The following MPPED1 variants were observed in gnomAD, a reference collection of about 807,000 sequenced individuals.
MPPED1 encodes metallophosphoesterase domain containing 1, also known as metallophosphoesterase domain-containing protein 1.
A neutral mutation model predicts 36.2 loss-of-function variants in MPPED1; 16 were observed. The observed-to-expected ratio is 0.44, with a 90% confidence interval of 0.30 to 0.67. The LOEUF (loss-of-function observed/expected upper bound fraction) is 0.67. Among genes scored for constraint, MPPED1 ranks in the 30% least tolerant of loss-of-function variants. The pLI, the probability that MPPED1 is intolerant of heterozygous loss-of-function variation, is 0.10. For synonymous variants in MPPED1, 199 were observed against 191.3 expected (o/e 1.04, Z -0.33); for missense variants, 307 against 453.4 (o/e 0.68, Z 2.93).
chr22:43,467,597 G>A (rs1370288570), intron 3 of MPPED1, among the ~76,000 whole-genome samples: 1 of 152,134 alleles, frequency 6.6e-6, no homozygotes, highest in East Asian at 1.9e-4. Context: ...TAGACCATGC[G>A]CCATACCGAG....
intron 2 of MPPED1, among the ~76,000 whole-genome samples, chr22:43,432,466 A>G (rs1282265864): frequency 9.0e-6 from 1 of 111,576 alleles, no homozygotes; most frequent in African/African-American, 3.4e-5. Flanking sequence ...TAAAGAGAGG[A>G]GAGAGAGAGA....
intron 3 of MPPED1, among the ~76,000 whole-genome samples, chr22:43,437,651 C>T (rs779457012): frequency 4.6e-5 from 7 of 152,214 alleles, no homozygotes; most frequent in Admixed American, 6.5e-5. Flanking sequence ...ACAGCAGCCA[C>T]GTGGCCCCTC....
At chr22:43,487,503 G>A (rs1165199896) in intron 4 of MPPED1, among the ~76,000 whole-genome samples, 1 of 152,198 alleles carries the variant, frequency 6.6e-6, no homozygotes, top group Non-Finnish European at 1.5e-5. Flanking sequence ...GAAGCAGCAG[G>A]GAGCCATGGG....
rs924313485 is a variant in MPPED1, at chr22:43,507,447, C to T, written c.*1831C>T. The T allele has an allele frequency of 2.0e-5, 3 of 152,064 alleles. No homozygotes were observed. Among genetic ancestry groups the T allele is most frequent in the African/African-American group, 4.8e-5 (2 of 41,390 alleles). The allele number at this position is 152,064 out of a possible 1,614,324, so 9.4% of individuals were successfully genotyped here. A position where few individuals can be genotyped will look rare whatever the true frequency, so the allele number is the denominator to read the frequency against. On this transcript the variant is annotated 3_prime_UTR_variant, in exon 7 of 7. Transcript: ENST00000443721. Reference sequence around the variant, plus strand: ...GTATCGGGTTGGCTGAAGCTGAGCGCCGTGGGGTGCAGGGCTCCAGGAATC... The same window carrying T: ...GTATCGGGTTGGCTGAAGCTGAGCGTCGTGGGGTGCAGGGCTCCAGGAATC...
intron 1 of MPPED1, 131 bp downstream of exon 1, chr22:43,412,289 C>A (rs1007109763): frequency 1.5e-5 from 8 of 546,868 alleles, no homozygotes; most frequent in Non-Finnish European, 1.9e-5. Flanking sequence ...GTTACTTTGG[C>A]CGCCTTTGCC....
chr22:43,440,188 C>T (rs1178337220), intron 3 of MPPED1, among the ~76,000 whole-genome samples: 2 of 152,254 alleles, frequency 1.3e-5, no homozygotes, highest in Admixed American at 6.5e-5. Context: ...TGCCTGAATG[C>T]CACTGGGTAG....
chr22:43,504,717 AATG>A (rs1258273582), intron 6 of MPPED1, among the ~76,000 whole-genome samples: 6 of 148,918 alleles, frequency 4.0e-5, no homozygotes, highest in South Asian at 2.1e-4. Context: ...TGGTGGTGAT[AATG>A]ATGATGATAA....
At chr22:43,442,250 C>CA (rs1930174458) in intron 3 of MPPED1, among the ~76,000 whole-genome samples, 1 of 152,048 alleles carries the variant, frequency 6.6e-6, no homozygotes, top group Non-Finnish European at 1.5e-5. Context: ...GCAGCTTGTG[C>CA]AAGTCCCTGC....
chr22:43,444,106 T>C (rs1930246163), intron 3 of MPPED1, among the ~76,000 whole-genome samples: 1 of 152,164 alleles, frequency 6.6e-6, no homozygotes, highest in Non-Finnish European at 1.5e-5. Context: ...AGGAAGAAAA[T>C]TAACTTCTAA....
chr22:43,439,223 G>A (rs1601959628), intron 3 of MPPED1, among the ~76,000 whole-genome samples: 1 of 152,186 alleles, frequency 6.6e-6, no homozygotes, highest in Non-Finnish European at 1.5e-5. Flanking sequence ...GGAGGGGGAC[G>A]GGTTGGGATG....
At chr22:43,439,487 A>G (rs1930075115) in intron 3 of MPPED1, among the ~76,000 whole-genome samples, 2 of 152,248 alleles carry the variant, frequency 1.3e-5, no homozygotes, top group Admixed American at 1.3e-4. Flanking sequence ...CAGCAGTGCC[A>G]GTGCAGGGAG....
At chr22:43,420,538 G>A (rs569569719) in intron 1 of MPPED1, among the ~76,000 whole-genome samples, 1 of 152,032 alleles carries the variant, frequency 6.6e-6, no homozygotes, top group African/African-American at 2.4e-5. Context: ...CCGAGTAGCT[G>A]GGATTACAGG....
At chr22:43,489,078 C>T (rs915757047) in intron 4 of MPPED1, among the ~76,000 whole-genome samples, 14 of 152,268 alleles carry the variant, frequency 9.2e-5, no homozygotes, top group African/African-American at 3.4e-4. Context: ...CTGCCCTAAC[C>T]TCTGAAACAC....
chr22:43,499,608 G>GTGA (rs1932565875), intron 5 of MPPED1, among the ~76,000 whole-genome samples: 3 of 105,300 alleles, frequency 2.8e-5, no homozygotes, highest in Non-Finnish European at 5.8e-5. Flanking sequence ...GGTGGTGGTG[G>GTGA]TGGTGATGGT....
intron 4 of MPPED1, among the ~76,000 whole-genome samples, chr22:43,497,935 G>GTATGTATATATA (rs1932480800): frequency 7.8e-6 from 1 of 128,364 alleles, no homozygotes. Context: ...ATATGTATAT[G>GTATGTATATATA]TATATATATA....
intron 4 of MPPED1, among the ~76,000 whole-genome samples, chr22:43,493,847 G>A (rs1476381781): frequency 3.3e-5 from 5 of 152,164 alleles, no homozygotes; most frequent in Admixed American, 3.3e-4. Context: ...GGCAGCAGGC[G>A]GGGAGGTGAT....
At chr22:43,471,246 G>A (rs562152190) in intron 3 of MPPED1, among the ~76,000 whole-genome samples, 2 of 152,366 alleles carry the variant, frequency 1.3e-5, no homozygotes, top group African/African-American at 2.4e-5. Flanking sequence ...CCCCAGCTTG[G>A]GCTGCAGGAT....
At chr22:43,451,888 G>A (rs1024145118) in intron 3 of MPPED1, among the ~76,000 whole-genome samples, 3 of 152,172 alleles carry the variant, frequency 2.0e-5, no homozygotes, top group East Asian at 1.9e-4. Context: ...AGGTTTTCCC[G>A]CCTCCATGCC....
intron 5 of MPPED1, among the ~76,000 whole-genome samples, chr22:43,501,500 C>T (rs981738840): frequency 6.6e-6 from 1 of 152,192 alleles, no homozygotes; most frequent in Non-Finnish European, 1.5e-5. Flanking sequence ...GCTCCTGTCT[C>T]GGGGCTGCCC....
Sources: gnomAD v4.1 joint callset for allele counts (sites outside exome capture counted in the v4.1 genomes callset) on GRCh38, gnomAD v4.1.1 for gene constraint, MANE v1.5 for transcripts, NCBI Gene and HGNC (gene_info 2026-07-23, HGNC 2026-07-21) for gene names.